MERTK: variants seen among roughly 807,000 people sequenced by gnomAD.
MERTK encodes MER proto-oncogene, tyrosine kinase.
Under a neutral mutation model 99.3 loss-of-function variants are expected in MERTK, and 69 were observed. That is an observed-to-expected ratio of 0.70 (90% CI 0.57 to 0.85). The LOEUF (loss-of-function observed/expected upper bound fraction) is 0.85, where lower values mean the gene tolerates loss of function less well. Among genes scored for constraint, MERTK ranks in the 40% least tolerant of loss-of-function variants. The pLI is 0.00. For missense variants in MERTK, 1,125 were observed against 1,249.4 expected (o/e 0.90, Z 1.50); for synonymous variants, 426 against 467.6 (o/e 0.91, Z 1.15).
chr2:111,935,638 CGTGTGTGT>C (rs55986780), intron 2 of MERTK, among the ~76,000 whole-genome samples: 24,391 of 139,730 alleles, frequency 0.17, 2,305 homozygotes, highest in South Asian at 0.22. Context: ...GGTCTTGGCT[CGTGTGTGT>C]GTGTGTGTGT....
intron 7 of MERTK, among the ~76,000 whole-genome samples, chr2:111,979,408 T>G (rs1676321332): frequency 6.6e-6 from 1 of 152,214 alleles, no homozygotes; most frequent in Non-Finnish European, 1.5e-5. Context: ...TTTTAGTTTT[T>G]AAAATATCTT....
At chr2:111,922,672 A>G (rs1179874958) in intron 1 of MERTK, among the ~76,000 whole-genome samples, 1 of 152,154 alleles carries the variant, frequency 6.6e-6, no homozygotes, top group East Asian at 1.9e-4. Context: ...ATCAGCTCCT[A>G]CTGCTGAGAT....
At chr2:111,961,063 G>T (rs1208702895) in intron 4 of MERTK, among the ~76,000 whole-genome samples, 2 of 150,678 alleles carry the variant, frequency 1.3e-5, no homozygotes, top group African/African-American at 2.4e-5. Context: ...ACTAGTAGCA[G>T]TTTCATGCCT....
At chr2:111,911,760 GCTCACT>G (rs1182793575) in intron 1 of MERTK, among the ~76,000 whole-genome samples, 1 of 129,052 alleles carries the variant, frequency 7.7e-6, no homozygotes, top group Non-Finnish European at 1.5e-5. Context: ...TGCCATCATA[GCTCACT>G]GGAGCCTAAA....
intron 8 of MERTK, among the ~76,000 whole-genome samples, chr2:111,991,466 T>G (rs1400134832): frequency 1.3e-5 from 2 of 152,148 alleles, no homozygotes; most frequent in African/African-American, 4.8e-5. Context: ...CCTCAGGTTA[T>G]CTGCCCACCT....
At chr2:111,953,334 G>A (rs1256178759) in intron 4 of MERTK, among the ~76,000 whole-genome samples, 3 of 152,172 alleles carry the variant, frequency 2.0e-5, no homozygotes, top group Non-Finnish European at 2.9e-5. Flanking sequence ...GCAGTATACC[G>A]CACTGCTCAG....
chr2:111,985,496 A>G (rs747082378), intron 8 of MERTK, among the ~76,000 whole-genome samples: 29 of 152,176 alleles, frequency 1.9e-4, no homozygotes, highest in Admixed American at 3.3e-4. Flanking sequence ...TTCCTGATCA[A>G]TCTAACCCTA....
intron 4 of MERTK, among the ~76,000 whole-genome samples, chr2:111,951,447 A>T (rs1296740392): frequency 6.7e-6 from 1 of 149,630 alleles, no homozygotes; most frequent in African/African-American, 2.5e-5. Flanking sequence ...TTCACTTAGC[A>T]TAATGTCTTC....
rs933552461 is a variant in MERTK at position 111,947,430 on chromosome 2, A to G, written c.620A>G (p.Asn207Ser). The change falls in exon 4 of 19, where the codon AAT becomes AGT. Residue 207 changes from asparagine (N) to serine (S), a missense_variant. Coordinates refer to ENST00000295408, the MANE Select transcript of MERTK (RefSeq NM_006343.3). ...TTTACTAAGCAGCCTGAGAGCATGAATGTCACCAGAAACACAGCCTTCAAC... is the reference window on the plus strand; with the variant it reads ...TTTACTAAGCAGCCTGAGAGCATGAGTGTCACCAGAAACACAGCCTTCAAC... ...PHFTKQPESM[N>S]VTRNTAFNLT... The G allele has an allele frequency of 3.1e-6, 5 of 1,614,094 alleles. No homozygotes were observed. The highest frequency in any genetic ancestry group is 2.7e-5 in the African/African-American group (2 of 74,988).
chr2:111,968,395 C>T, intron 6 of MERTK, 143 bp downstream of exon 6: 4 of 712,568 alleles, frequency 5.6e-6, no homozygotes, highest in Non-Finnish European at 1.0e-5. Flanking sequence ...CAGTGTCCAG[C>T]ATGCATGCAC....
chr2:111,901,292 A>G (rs1467105329), intron 1 of MERTK, among the ~76,000 whole-genome samples: 3 of 152,214 alleles, frequency 2.0e-5, no homozygotes, highest in African/African-American at 7.2e-5. Flanking sequence ...GTGTGCAGCT[A>G]AACTCAACCC....
intron 15 of MERTK, among the ~76,000 whole-genome samples, chr2:112,018,090 G>A (rs1210955092): frequency 1.3e-5 from 2 of 152,154 alleles, no homozygotes; most frequent in African/African-American, 4.8e-5. Flanking sequence ...AGGAGGAGGA[G>A]AAGAAAGAAT....
At chr2:111,909,169 G>C (rs989306529) in intron 1 of MERTK, among the ~76,000 whole-genome samples, 5 of 152,122 alleles carry the variant, frequency 3.3e-5, no homozygotes, top group Non-Finnish European at 5.9e-5. Context: ...TACACTGCTG[G>C]TGGGGATTTA....
At chr2:111,952,165 T>TC (rs901361073) in intron 4 of MERTK, 1 of 152,604 alleles carries the variant, frequency 6.6e-6, no homozygotes, top group African/African-American at 2.4e-5. Flanking sequence ...CTTTTTTTTT[T>TC]CTTTGGTAGA....
At chr2:111,908,010 C>T (rs1684167819) in intron 1 of MERTK, among the ~76,000 whole-genome samples, 1 of 152,204 alleles carries the variant, frequency 6.6e-6, no homozygotes, top group African/African-American at 2.4e-5. Context: ...CGTTACACTC[C>T]ACTGATGCAG....
intron 15 of MERTK, among the ~76,000 whole-genome samples, chr2:112,010,906 T>C (rs550617810): frequency 6.6e-6 from 1 of 152,298 alleles, no homozygotes; most frequent in Non-Finnish European, 1.5e-5. Flanking sequence ...GGGGTTCTGG[T>C]TGGGACACAT....
intron 4 of MERTK, among the ~76,000 whole-genome samples, chr2:111,964,055 T>TTTTTTTTTTTTTTTC (rs1685310470): frequency 6.8e-6 from 1 of 146,890 alleles, no homozygotes; most frequent in Non-Finnish European, 1.5e-5. Flanking sequence ...TTTTTTTTTT[T>TTTTTTTTTTTTTTTC]GCTCTTTCCA....
rs536397469 is a variant in MERTK at position 111,950,889 on chromosome 2, A to G, written c.757+3322A>G. Among the ~76,000 whole-genome samples the G allele has an allele frequency of 2.8e-4, 42 of 152,324 alleles. No homozygotes were observed. The South Asian group carries it at 8.5e-3, about 31-fold the overall frequency. ...ACATCTTGACAATATTGAGCCTTCC[A>G]ATCAATGAATACATTATATCTCTTC... is the stretch of plus-strand genomic sequence containing the variant. On this transcript the variant is annotated intron_variant, in intron 4 of 18. Transcript: ENST00000295408.
At chr2:111,965,450 G>A (rs1685342215) in intron 5 of MERTK, among the ~76,000 whole-genome samples, 173 bp downstream of exon 5, 1 of 152,198 alleles carries the variant, frequency 6.6e-6, no homozygotes, top group African/African-American at 2.4e-5. Flanking sequence ...CCTCTGAAAA[G>A]TGGAGATAAT....
Sources: gnomAD v4.1 joint callset for allele counts (sites outside exome capture counted in the v4.1 genomes callset) on GRCh38, gnomAD v4.1.1 for gene constraint, MANE v1.5 for transcripts, NCBI Gene and HGNC (gene_info 2026-07-23, HGNC 2026-07-21) for gene names.